PTPRH: variants seen among roughly 807,000 people sequenced by gnomAD.
The protein encoded by PTPRH is protein tyrosine phosphatase receptor type H, also known as receptor-type tyrosine-protein phosphatase H.
In PTPRH, 113 loss-of-function variants were observed where a neutral mutation model predicts 130.2. The ratio of observed to expected loss-of-function variants is 0.87; its 90% CI spans 0.75 to 1.01. PTPRH has a LOEUF of 1.01. Among genes scored for constraint, PTPRH ranks in the 50% least tolerant of loss-of-function variants. PTPRH has a pLI of 0.00. For missense variants in PTPRH, 1,430 were observed against 1,425.0 expected (o/e 1.00, Z -0.06); for synonymous variants, 556 against 577.9 (o/e 0.96, Z 0.54).
intron 14 of PTPRH, among the ~76,000 whole-genome samples, 174 bp from the exon 15 acceptor site, chr19:55,186,714 G>C (rs2086347288): frequency 9.4e-6 from 1 of 105,964 alleles, no homozygotes; most frequent in Admixed American, 1.1e-4. Context: ...AGGGGCGGAG[G>C]GACCTCAGCT....
In PTPRH at chr19:55,190,321, G is replaced by C. The variant is rs1472941863; in HGVS notation, c.2384+1180C>G. Among the ~76,000 whole-genome samples the C allele has an allele frequency of 2.9e-4, 42 of 145,578 alleles. No homozygotes were observed. The South Asian group carries it at 4.0e-3, about 14-fold the overall frequency. On this transcript the variant is annotated intron_variant, in intron 12 of 19. Transcript: ENST00000376350. ...GGAGGCGGAGGTTGCGGTGAGCCGA[G>C]ATCATGCCACTGCACTTCAGCCTGG... is the stretch of plus-strand genomic sequence containing the variant.
rs1454933676 is a variant in PTPRH at position 55,186,446 on chromosome 19, T to C, written c.2643+18A>G. The C allele has an allele frequency of 3.1e-6, 5 of 1,613,820 alleles. No individual in the cohort carries two copies. In the South Asian group the frequency reaches 5.5e-5, roughly 18 times the overall value. The stretch of plus-strand genomic sequence containing the variant: ...CCAGGCGTGCTGGGCACCCTTTCAA[T>C]CCCAACCACGACCTTACGGGCATGA... On this transcript the variant is annotated intron_variant, in intron 15 of 19. Coordinates refer to ENST00000376350, the MANE Select transcript of PTPRH (RefSeq NM_002842.5).
chr19:55,206,116 T>C (rs2087043639), intron 3 of PTPRH, among the ~76,000 whole-genome samples: 1 of 151,714 alleles, frequency 6.6e-6, no homozygotes, highest in Non-Finnish European at 1.5e-5. Context: ...GCCTGTAGTC[T>C]CTGCTACTCG....
Position 55,197,191 on chromosome 19 carries a change from G to T in PTPRH, c.1916C>A (p.Thr639Lys). 1 of 1,614,230 alleles carries T rather than the reference G, an allele frequency of 6.2e-7. No individual in the cohort carries two copies. The highest frequency in any genetic ancestry group is 8.5e-7 in the Non-Finnish European group (1 of 1,180,050). The change falls in exon 9 of 20, where the codon ACG (threonine) becomes AAG (lysine). Residue 639 changes from threonine (T) to lysine (K), a missense_variant. Physicochemically the swap from Thr to Lys is moderately conservative, Grantham distance 78. Coordinates refer to ENST00000376350, the MANE Select transcript of PTPRH (RefSeq NM_002842.5). ...TGCCCACACGGTGAAATTGTACAAC[G>T]TCCCGGGTTCCAGGGCCTCCACTTT... ...WYKVEALEPG[T>K]LYNFTVWAER...
chr19:55,199,367 G>A (rs976519879), intron 7 of PTPRH, among the ~76,000 whole-genome samples: 4 of 152,148 alleles, frequency 2.6e-5, no homozygotes, highest in Non-Finnish European at 4.4e-5. Context: ...CCAACACTTC[G>A]GGAGGCCAAG....
At chr19:55,188,682 G>C (rs907968648) in intron 12 of PTPRH, among the ~76,000 whole-genome samples, 1 of 151,986 alleles carries the variant, frequency 6.6e-6, no homozygotes, top group African/African-American at 2.4e-5. Flanking sequence ...CAAAATCGTC[G>C]TGGCCTCCCT....
rs1346447998 is a variant in PTPRH at position 55,203,727 on chromosome 19, C to T, written c.886+55G>A. On this transcript the variant is annotated intron_variant, in intron 5 of 19. Coordinates refer to ENST00000376350, the MANE Select transcript of PTPRH (RefSeq NM_002842.5). ...TCACATTTTGTCAGCTCCCAACCAC[C>T]CCCTACCACTGTCCTTATAAAAGAA... 6 of 1,534,204 alleles carry T rather than the reference C, an allele frequency of 3.9e-6. No homozygotes were observed. In the Admixed American group the frequency reaches 5.7e-5, roughly 15 times the overall value.
chr19:55,187,337 T>C (rs1361990853), intron 14 of PTPRH, among the ~76,000 whole-genome samples, 176 bp downstream of exon 14: 1 of 78,150 alleles, frequency 1.3e-5, no homozygotes, highest in Non-Finnish European at 2.1e-5. Context: ...AGAGCGAGAC[T>C]CCGTCTCAAA....
chr19:55,195,941 C>T (rs1403903847), intron 10 of PTPRH, among the ~76,000 whole-genome samples: 3 of 150,686 alleles, frequency 2.0e-5, no homozygotes, highest in African/African-American at 4.9e-5. Flanking sequence ...GAGAGATTTC[C>T]GAGGGCTGGG....
intron 16 of PTPRH, 51 bp downstream of exon 16, chr19:55,186,174 T>C: frequency 6.3e-7 from 1 of 1,580,478 alleles, no homozygotes; most frequent in South Asian, 1.2e-5. Context: ...TGGATGAGTG[T>C]TCGGGGCGGG....
intron 4 of PTPRH, among the ~76,000 whole-genome samples, chr19:55,204,279 C>G (rs1275958972): frequency 6.6e-6 from 1 of 152,036 alleles, no homozygotes; most frequent in African/African-American, 2.4e-5. Flanking sequence ...ACCACCACAC[C>G]CGGCTTATTT....
rs1408094343 is a variant in PTPRH at position 55,186,522 on chromosome 19, G to A, written c.2585C>T (p.Pro862Leu). The A allele has an allele frequency of 1.3e-6, 2 of 1,578,640 alleles. No individual in the cohort carries two copies. The highest frequency in any genetic ancestry group is 3.5e-5 in the Admixed American group (2 of 57,712). Residue 862 changes from proline (P) to leucine (L), a missense_variant, in exon 15 of 20, where the codon CCC becomes CTC. Coordinates refer to ENST00000376350, the MANE Select transcript of PTPRH (RefSeq NM_002842.5). The stretch of plus-strand genomic sequence containing the variant: ...TGGCTCCTCATGGATGGGCTTCAGG[G>A]GCACCCGGGACCAGTCATCTAGGAG... The part of the protein sequence containing the change: ...NVLPYDWSRV[P>L]LKPIHEEPGS...
At chr19:55,186,824 C>T (rs2086350529) in intron 14 of PTPRH, among the ~76,000 whole-genome samples, 1 of 152,018 alleles carries the variant, frequency 6.6e-6, no homozygotes, top group Non-Finnish European at 1.5e-5. Context: ...GTGGGTGGAT[C>T]ACCTGAGGTC....
chr19:55,197,394 G>T lies in PTPRH; in HGVS notation c.1713C>A (p.Leu571=). The change falls in exon 9 of 20, where the codon CTC becomes CTA. Residue 571 remains leucine (L), a synonymous_variant. Transcript: ENST00000376350. The stretch of plus-strand genomic sequence containing the variant: ...AGTTCTTAGTCTGAGTTTCATTCTG[G>T]AGATCTGTGACCTCATTGGGAGCTG... ...AATAPNEVTD[L]QNETQTKNSV... is the part of the protein sequence containing the mutation. 6.2e-7 allele frequency: 1 copy of T among 1,613,336 alleles called. No homozygotes were observed. Among genetic ancestry groups the T allele is most frequent in the Non-Finnish European group, 8.5e-7 (1 of 1,179,284 alleles).
intron 10 of PTPRH, among the ~76,000 whole-genome samples, chr19:55,193,223 G>C (rs1460531542): frequency 7.5e-6 from 1 of 133,138 alleles, no homozygotes; most frequent in African/African-American, 2.9e-5. Context: ...GTGAGACTCT[G>C]TCTCAAAAAA....
intron 10 of PTPRH, chr19:55,194,437 G>A: frequency 1.1e-6 from 1 of 937,388 alleles, no homozygotes; most frequent in Non-Finnish European, 1.4e-6. Context: ...TACTAAGGGA[G>A]AGAACTTTCT....
chr19:55,183,204 G>C (rs994961747), intron 18 of PTPRH, among the ~76,000 whole-genome samples: 32 of 144,772 alleles, frequency 2.2e-4, no homozygotes, highest in Non-Finnish European at 4.5e-4. Flanking sequence ...GACCATCCTG[G>C]CCAATATGGT....
intron 14 of PTPRH, among the ~76,000 whole-genome samples, 180 bp downstream of exon 14, chr19:55,187,333 A>T: frequency 8.8e-6 from 1 of 113,464 alleles, no homozygotes; most frequent in Non-Finnish European, 1.7e-5. Flanking sequence ...TGACAGAGCG[A>T]GACTCCGTCT....
chr19:55,186,387 G>A (rs2086326881), intron 15 of PTPRH, 28 bp from the exon 16 acceptor site: 1 of 1,612,476 alleles, frequency 6.2e-7, no homozygotes, highest in Non-Finnish European at 8.5e-7. Context: ...GCGGGTCAGG[G>A]GGGCCTTTAG....
Sources: gnomAD v4.1 joint callset for allele counts (sites outside exome capture counted in the v4.1 genomes callset) on GRCh38, gnomAD v4.1.1 for gene constraint, MANE v1.5 for transcripts, NCBI Gene and HGNC (gene_info 2026-07-23, HGNC 2026-07-21) for gene names.